The following ODAD4 variants were observed in gnomAD, a reference collection of about 807,000 sequenced individuals.
ODAD4 encodes the protein outer dynein arm-docking complex subunit 4.
ODAD4 carries 49 observed loss-of-function variants against 51.8 expected under a neutral mutation model. The ratio of observed to expected loss-of-function variants is 0.95; its 90% CI spans 0.75 to 1.20. ODAD4 has a LOEUF of 1.20. ODAD4 is among the 50% of genes most tolerant of loss of function. The pLI is 0.00. For synonymous variants in ODAD4, 235 were observed against 221.3 expected (o/e 1.06, Z -0.55); for missense variants, 590 against 586.5 (o/e 1.01, Z -0.06).
In ODAD4 at chr17:41,938,725, G is replaced by A. The variant is rs782026883; in HGVS notation, c.794G>A (p.Arg265His). 29 of 1,613,652 alleles carry A rather than the reference G, an allele frequency of 1.8e-5. No homozygotes were observed. The highest frequency in any genetic ancestry group is 2.4e-5 in the Non-Finnish European group (28 of 1,179,906). ...GAGAAATGGCTGCGGGACCACAAAC[G>A]CCGTCCCTCACAGACAGCCCATTAC... ...MQEKWLRDHK[R>H]RPSQTAHYIL... The change falls in exon 6 of 12, where the codon CGC becomes CAC. Residue 265 changes from arginine (R) to histidine (H), a missense_variant. Transcript: ENST00000377540.
intron 3 of ODAD4, among the ~76,000 whole-genome samples, chr17:41,936,161 G>A (rs1216064769): frequency 1.3e-5 from 2 of 152,210 alleles, no homozygotes; most frequent in African/African-American, 2.4e-5. Context: ...AGGGGGAGAA[G>A]GGAAGCAAGT....
intron 8 of ODAD4, among the ~76,000 whole-genome samples, chr17:41,946,981 GT>G (rs1344632397): frequency 4.6e-5 from 7 of 151,988 alleles, no homozygotes; most frequent in African/African-American, 1.7e-4. Context: ...CTCCTGAGTA[GT>G]GGGGACTACA....
chr17:41,931,998 T>C (rs1272115431), intron 1 of ODAD4, among the ~76,000 whole-genome samples: 1 of 151,994 alleles, frequency 6.6e-6, no homozygotes, highest in African/African-American at 2.4e-5. Context: ...CGATCTTGGC[T>C]CACTGCAACC....
intron 1 of ODAD4, among the ~76,000 whole-genome samples, chr17:41,932,542 T>TG (rs1467233227): frequency 7.9e-5 from 12 of 151,946 alleles, no homozygotes; most frequent in Admixed American, 6.6e-4. Flanking sequence ...GTTGTTTTTT[T>TG]TTTGTTTGTT....
At chr17:41,957,971 C>T (rs2050755203) in intron 10 of ODAD4, among the ~76,000 whole-genome samples, 1 of 152,102 alleles carries the variant, frequency 6.6e-6, no homozygotes, top group African/African-American at 2.4e-5. Flanking sequence ...TGAGGTCTCA[C>T]TATATTGCCC....
In ODAD4 at chr17:41,947,500, T is replaced by A. The variant is rs1165486563; in HGVS notation, c.1146-1653T>A. 1.9e-4 allele frequency among the ~76,000 whole-genome samples: 26 copies of A among 133,410 alleles called. No individual in the cohort carries two copies. The East Asian group carries it at 4.4e-3, about 22-fold the overall frequency. The allele number at this position is 133,410 out of a possible 152,430, so 87.5% of individuals were successfully genotyped here. On this transcript the variant is annotated intron_variant, in intron 8 of 11. Transcript: ENST00000377540. ...ACTCTGTCTCAAAAAAATAAATAAA[T>A]AAAAAATAAGCACAGGCCAGGTGTG...
intron 8 of ODAD4, among the ~76,000 whole-genome samples, chr17:41,946,099 G>A (rs2050581119): frequency 6.6e-6 from 1 of 152,178 alleles, no homozygotes; most frequent in Non-Finnish European, 1.5e-5. Context: ...AGGTGAGCAC[G>A]CACAGTGTGT....
chr17:41,964,817 A>G (rs2050853810), intron 11 of ODAD4, among the ~76,000 whole-genome samples, 176 bp from the exon 12 acceptor site: 1 of 151,760 alleles, frequency 6.6e-6, no homozygotes, highest in Admixed American at 6.6e-5. Flanking sequence ...TAATTTTTGT[A>G]TTTTTAGTAC....
rs1284074371 is a variant in ODAD4 at position 41,939,057 on chromosome 17, A to C, written c.943A>C (p.Lys315Gln). 6.2e-7 allele frequency: 1 copy of C among 1,613,760 alleles called. No homozygotes were observed. Among genetic ancestry groups the C allele is most frequent in the East Asian group, 2.2e-5 (1 of 44,894 alleles). Residue 315 changes from lysine to glutamine, a missense_variant, in exon 7 of 12, where the codon AAG becomes CAG. This residue lies in a region of ODAD4 where 360 missense variants were observed against 407.5 expected (regional missense o/e 0.88). Coordinates refer to ENST00000377540, the MANE Select transcript of ODAD4 (RefSeq NM_031421.5). ...LEWNKEEVPN[K>Q]DELVGNLYSC... The stretch of plus-strand genomic sequence containing the variant: ...ATGGAACAAGGAAGAGGTACCCAAC[A>C]AGGATGAACTGGTTGGAAACTTGTA...
chr17:41,958,929 G>A (rs1260745578), intron 10 of ODAD4, among the ~76,000 whole-genome samples: 1 of 151,526 alleles, frequency 6.6e-6, no homozygotes, highest in Non-Finnish European at 1.5e-5. Flanking sequence ...CAGGAGAATT[G>A]CTTGAACCTG....
chr17:41,961,715 C>T (rs2144543626), intron 11 of ODAD4, among the ~76,000 whole-genome samples: 1 of 152,332 alleles, frequency 6.6e-6, no homozygotes, highest in African/African-American at 2.4e-5. Context: ...ATTGATTCAT[C>T]AAGTATATGG....
At chr17:41,934,565 TG>T (rs1375896804) in intron 1 of ODAD4, among the ~76,000 whole-genome samples, 2 of 152,112 alleles carry the variant, frequency 1.3e-5, no homozygotes, top group Non-Finnish European at 2.9e-5. Flanking sequence ...TTGCCCAGGC[TG>T]GTCTCAAACT....
At chr17:41,961,064 T>C (rs984298457) in intron 10 of ODAD4, among the ~76,000 whole-genome samples, 6 of 152,216 alleles carry the variant, frequency 3.9e-5, no homozygotes, top group African/African-American at 1.4e-4. Flanking sequence ...TTGCATTGAC[T>C]GAAGCCAAAA....
chr17:41,935,158 A>C (rs2050406388), intron 1 of ODAD4, 59 bp from the exon 2 acceptor site: 1 of 1,606,392 alleles, frequency 6.2e-7, no homozygotes, highest in African/African-American at 1.3e-5. Flanking sequence ...TGCCCTTCCC[A>C]CTCCAGCTTC....
At chr17:41,964,631 GTTTC>G (rs1392168059) in intron 11 of ODAD4, among the ~76,000 whole-genome samples, 1 of 152,104 alleles carries the variant, frequency 6.6e-6, no homozygotes, top group Admixed American at 6.6e-5. Flanking sequence ...GAGATGAACA[GTTTC>G]TTTCTTTTTT....
chr17:41,962,706 C>T (rs919507392), intron 11 of ODAD4, among the ~76,000 whole-genome samples: 9 of 152,192 alleles, frequency 5.9e-5, no homozygotes, highest in Admixed American at 1.3e-4. Flanking sequence ...AGAACCCACG[C>T]GTCGGCCCGT....
At position 41,938,727 on chromosome 17, in the gene ODAD4, C is replaced by T. The variant is rs374566388; in HGVS notation, c.796C>T (p.Arg266Cys). The change falls in exon 6 of 12, where the codon CGT (arginine) becomes TGT (cysteine). Residue 266 changes from arginine (R) to cysteine (C), a missense_variant. By Grantham distance (180) the Arg-to-Cys change is radical. This residue lies in a region of ODAD4 where 360 missense variants were observed against 407.5 expected (regional missense o/e 0.88). Coordinates refer to ENST00000377540, the MANE Select transcript of ODAD4 (RefSeq NM_031421.5). ...GAAATGGCTGCGGGACCACAAACGC[C>T]GTCCCTCACAGACAGCCCATTACAT... ...QEKWLRDHKRRPSQTAHYILK... is the reference protein window; with the variant it reads ...QEKWLRDHKRCPSQTAHYILK... The T allele has an allele frequency of 9.9e-6, 16 of 1,613,648 alleles. No individual in the cohort carries two copies. The highest frequency in any genetic ancestry group is 4.0e-5 in the African/African-American group (3 of 74,902).
intron 11 of ODAD4, among the ~76,000 whole-genome samples, chr17:41,961,866 C>T (rs972478510): frequency 1.2e-4 from 18 of 152,260 alleles, no homozygotes; most frequent in South Asian, 2.1e-4. Flanking sequence ...GGTGCTACAC[C>T]GAGGTGGAGG....
chr17:41,943,239 C>T (rs2050531647), intron 7 of ODAD4, among the ~76,000 whole-genome samples: 1 of 152,086 alleles, frequency 6.6e-6, no homozygotes, highest in African/African-American at 2.4e-5. Context: ...CAAAGCAGTT[C>T]CTTGCTATTT....
Sources: gnomAD v4.1 joint callset for allele counts (sites outside exome capture counted in the v4.1 genomes callset) on GRCh38, gnomAD v4.1.1 for gene constraint, gnomAD v4.1.1 regional missense constraint, MANE v1.5 for transcripts, NCBI Gene and HGNC (gene_info 2026-07-23, HGNC 2026-07-21) for gene names.